The following FAM234A variants were observed in gnomAD, a reference collection of about 807,000 sequenced individuals.
FAM234A encodes the protein protein FAM234A.
Under a neutral mutation model 49.1 loss-of-function variants are expected in FAM234A, and 42 were observed. The observed-to-expected ratio is 0.86, with a 90% CI of 0.67 to 1.11. The LOEUF is 1.11. Ranked by LOEUF, FAM234A falls within the 50% of genes least tolerant of loss-of-function variation. FAM234A has a pLI of 0.00. For synonymous variants in FAM234A, 369 were observed against 316.2 expected (o/e 1.17, Z -1.77); for missense variants, 815 against 745.2 (o/e 1.09, Z -1.09).
intron 1 of FAM234A, 34 bp downstream of exon 1, chr16:234,891 CGCCGCAGGGGCGCCGCAG>C (rs2050342194): frequency 6.6e-6 from 1 of 151,880 alleles, no homozygotes; most frequent in Non-Finnish European, 1.5e-5. Context: ...CGCGCGTGCA[CGCCGCAGGGGCGCCGCAG>C]GCCGCCCCTT....
Position 259,526 on chromosome 16 carries a change from G to A in FAM234A, c.312G>A (p.Arg104=), listed in dbSNP as rs771129527. 1 of 1,612,816 alleles carries A rather than the reference G, an allele frequency of 6.2e-7. No homozygotes were observed. Among genetic ancestry groups the A allele is most frequent in the Admixed American group, 1.7e-5 (1 of 60,002 alleles). The change falls in exon 4 of 13, where the codon AGG becomes AGA. Residue 104 remains arginine, a synonymous_variant. Transcript: ENST00000399932. ...FLAVDDINGD[R]IQDVLFLYKN... The stretch of plus-strand genomic sequence containing the variant: ...CTGTGGATGATATAAACGGGGACAG[G>A]ATCCAAGATGTTCTTTTTCTTTATA...
downstream of FAM234A, among the ~76,000 whole-genome samples, chr16:267,736 C>G (rs1388542591): frequency 1.0e-4 from 15 of 147,836 alleles, no homozygotes; most frequent in Admixed American, 1.0e-3. Flanking sequence ...ACACGTGTGC[C>G]TCAGTGCTAC....
chr16:240,041 T>C (rs2050556512), intron 1 of FAM234A: 1 of 152,208 alleles, frequency 6.6e-6, no homozygotes, highest in Non-Finnish European at 1.5e-5. Flanking sequence ...TCTGCTTTGC[T>C]CAGCTGAAAC....
At position 260,044 on chromosome 16, in the gene FAM234A, C is replaced by T. The variant is rs762636907; in HGVS notation, c.461C>T (p.Ala154Val). ...NGSTLWERPV[A>V]QDVALVECAV... ...AGCACGCTCTGGGAGAGACCTGTGG[C>T]CCAAGACGTGGCCCTCGTGGAGTGT... is the stretch of plus-strand genomic sequence containing the variant. Residue 154 changes from alanine (A) to valine (V), a missense_variant, in exon 5 of 13, where the codon GCC becomes GTC. Physicochemically the swap from Ala to Val is moderately conservative, Grantham distance 64. Transcript: ENST00000399932. The T allele has an allele frequency of 1.2e-6, 2 of 1,613,676 alleles. No homozygotes were observed.
chr16:254,535 A>T lies in FAM234A; in HGVS notation c.122A>T (p.Gln41Leu). Residue 41 changes from glutamine to leucine, a missense_variant, in exon 3 of 13, where the codon CAG (glutamine) becomes CTG (leucine). Physicochemically the swap from Gln to Leu is moderately radical, Grantham distance 113 (BLOSUM62 -2). Transcript: ENST00000399932. The stretch of plus-strand genomic sequence containing the variant: ...GATAACGTGAAAAGCGCGCCTCCAC[A>T]GTCCCGGCTCTCCCGGTGCCGAGCG... ...NEDNVKSAPP[Q>L]SRLSRCRAAA... 1 of 1,614,256 alleles carries T rather than the reference A, an allele frequency of 6.2e-7. No individual in the cohort carries two copies. The highest frequency in any genetic ancestry group is 8.5e-7 in the Non-Finnish European group (1 of 1,180,042).
downstream of FAM234A, chr16:269,512 A>G (rs739999): frequency 0.12 from 201,138 of 1,612,686 alleles, 23,660 homozygotes; most frequent in African/African-American, 0.57. Context: ...CCGTCTCTTC[A>G]TCTCCAGCGG....
intron 3 of FAM234A, among the ~76,000 whole-genome samples, chr16:254,988 T>C (rs572726750): frequency 5.9e-5 from 9 of 152,314 alleles, no homozygotes; most frequent in Non-Finnish European, 1.3e-4. Context: ...CCCAAATAGC[T>C]GGGATTACAG....
intron 11 of FAM234A, 113 bp from the exon 12 acceptor site, chr16:264,501 C>A: frequency 1.2e-6 from 1 of 831,324 alleles, no homozygotes; most frequent in Non-Finnish European, 1.9e-6. Context: ...ATTTGGGGGA[C>A]CCAGATAGGG....
chr16:267,491 C>G (rs1278414801), downstream of FAM234A, among the ~76,000 whole-genome samples: 1 of 152,190 alleles, frequency 6.6e-6, no homozygotes, highest in Non-Finnish European at 1.5e-5. Flanking sequence ...CTCATACATG[C>G]AATGTGCACC....
intron 1 of FAM234A, among the ~76,000 whole-genome samples, chr16:240,484 G>A (rs1312026703): frequency 6.6e-6 from 1 of 151,720 alleles, no homozygotes; most frequent in East Asian, 1.9e-4. Flanking sequence ...TAAGGCTTGA[G>A]CCGCTGCATC....
At chr16:269,823 G>C (rs112877257), downstream of FAM234A, 694 of 510,454 alleles carry the variant, frequency 1.4e-3, 3 homozygotes, top group African/African-American at 0.013. Context: ...TGGTGGCCAC[G>C]TGTAGAGGAA....
At chr16:267,087 A>C (rs1217349370), downstream of FAM234A, among the ~76,000 whole-genome samples, 1 of 152,116 alleles carries the variant, frequency 6.6e-6, no homozygotes, top group African/African-American at 2.4e-5. Flanking sequence ...GCACCCCCAG[A>C]CTGTGAAGAA....
In FAM234A at chr16:262,482, C is replaced by T. The variant is rs754280064; in HGVS notation, c.900C>T (p.Gly300=). 2.9e-5 allele frequency: 46 copies of T among 1,612,036 alleles called. No homozygotes were observed. In the South Asian group the frequency reaches 4.0e-4, roughly 14 times the overall value. The part of the protein sequence containing the change: ...KGLYEKVTGS[G]GPFKSDPHWE... ...TCTACGAGAAGGTGACCGGGAGCGGCGGCCCGTTCAAGAGTGACCCGCACT... is the reference window on the plus strand; with the variant it reads ...TCTACGAGAAGGTGACCGGGAGCGGTGGCCCGTTCAAGAGTGACCCGCACT... Residue 300 remains glycine (G), a synonymous_variant, in exon 8 of 13, where the codon GGC becomes GGT. Coordinates refer to ENST00000399932, the MANE Select transcript of FAM234A (RefSeq NM_032039.4).
chr16:260,008 G>A lies in FAM234A; in HGVS notation c.425G>A (p.Gly142Glu), dbSNP rs779199151. ...SPCTFAAAVS[G>E]ANGSTLWERP... ...TGCACCTTTGCAGCTGCTGTGTCGG[G>A]GGCCAACGGCAGCACGCTCTGGGAG... Residue 142 changes from glycine (G) to glutamate (E), a missense_variant, in exon 5 of 13, where the codon GGG becomes GAG. Physicochemically the swap from Gly to Glu is moderately conservative, Grantham distance 98 (BLOSUM62 -2). Transcript: ENST00000399932. The A allele has an allele frequency of 1.2e-6, 2 of 1,613,694 alleles. No homozygotes were observed. The highest frequency in any genetic ancestry group is 2.2e-5 in the South Asian group (2 of 91,072).
chr16:251,211 C>G (rs950185974), intron 2 of FAM234A, among the ~76,000 whole-genome samples: 4 of 152,196 alleles, frequency 2.6e-5, no homozygotes, highest in African/African-American at 9.7e-5. Flanking sequence ...CCGCCTTGGC[C>G]TCTCAAAGTG....
Position 261,392 on chromosome 16 carries a change from C to G in FAM234A, c.586C>G (p.Leu196Val). The change falls in exon 6 of 13, where the codon CTG (leucine) becomes GTG (valine). Residue 196 changes from leucine to valine, a missense_variant. Physicochemically the swap from Leu to Val is conservative, Grantham distance 32. Coordinates refer to ENST00000399932, the MANE Select transcript of FAM234A (RefSeq NM_032039.4). ...CGTGTGCTTGATTCTAGGGGAAACC[C>G]TGTGGAACCACAGCAGCAGCTTCAG... ...IAVNLFTGET[L>V]WNHSSSFSGN... 6.2e-7 allele frequency: 1 copy of G among 1,612,000 alleles called. No individual in the cohort carries two copies. The highest frequency in any genetic ancestry group is 8.5e-7 in the Non-Finnish European group (1 of 1,178,510).
Position 249,576 on chromosome 16 carries a change from T to C in FAM234A, c.-112T>C, listed in dbSNP as rs1370246137. 1 of 152,052 alleles carries C rather than the reference T, an allele frequency of 6.6e-6. No individual in the cohort carries two copies. The highest frequency in any genetic ancestry group is 2.4e-5 in the African/African-American group (1 of 41,264). The allele number at this position is 152,052 out of a possible 1,614,324, so 9.4% of individuals were successfully genotyped here. A position where few individuals can be genotyped will look rare whatever the true frequency, so the allele number is the denominator to read the frequency against. On this transcript the variant is annotated 5_prime_UTR_variant, in exon 2 of 13. Transcript: ENST00000399932. Reference sequence around the variant, plus strand: ...CCACCTGGGCTTGCGAAGGCACAGATTCCCCGTCCACAGCTCACGACCAGA... The same window carrying C: ...CCACCTGGGCTTGCGAAGGCACAGACTCCCCGTCCACAGCTCACGACCAGA...
chr16:243,438 C>T (rs879915124), intron 1 of FAM234A, among the ~76,000 whole-genome samples: 1 of 152,122 alleles, frequency 6.6e-6, no homozygotes, highest in Non-Finnish European at 1.5e-5. Context: ...TGGGGATTTT[C>T]TCTGCCAGTC....
At chr16:242,466 G>A (rs182981667) in intron 1 of FAM234A, among the ~76,000 whole-genome samples, 1 of 151,828 alleles carries the variant, frequency 6.6e-6, no homozygotes, top group East Asian at 1.9e-4. Context: ...TGTCCACCTC[G>A]GCCTCCCAAA....
Sources: gnomAD v4.1 joint callset for allele counts (sites outside exome capture counted in the v4.1 genomes callset) on GRCh38, gnomAD v4.1.1 for gene constraint, MANE v1.5 for transcripts, NCBI Gene and HGNC (gene_info 2026-07-23, HGNC 2026-07-21) for gene names.